WLS: variants seen among roughly 807,000 people sequenced by gnomAD.
WLS encodes the protein Wnt ligand secretion mediator.
WLS carries 23 observed loss-of-function variants against 62.8 expected under a neutral mutation model. The observed-to-expected ratio is 0.37, with a 90% CI of 0.26 to 0.52. WLS has a LOEUF of 0.52. WLS is among the 20% of genes least tolerant of loss of function. The pLI, the probability that WLS is intolerant of heterozygous loss-of-function variation, is 0.92. For missense variants in WLS, 615 were observed against 697.3 expected (o/e 0.88, Z 1.33); for synonymous variants, 246 against 244.1 (o/e 1.01, Z -0.07).
chr1:68,155,127 A>G lies in WLS; in HGVS notation c.638T>C (p.Ile213Thr), dbSNP rs565833395. Residue 213 changes from isoleucine to threonine, a missense_variant, in exon 4 of 12, where the codon ATT (isoleucine) becomes ACT (threonine). Coordinates refer to ENST00000262348, the MANE Select transcript of WLS (RefSeq NM_024911.7). Reference protein sequence around the residue: ...VNEKKKINVGIGEIKDIRLVG... With the variant: ...VNEKKKINVGTGEIKDIRLVG... ...CAACCGGATATCCTTTATCTCCCCA[A>G]TTCCCACATTGATTTTCTTCTTCTC... is the stretch of plus-strand genomic sequence containing the variant. 1.1e-5 allele frequency: 17 copies of G among 1,613,954 alleles called. No homozygotes were observed. Among genetic ancestry groups the G allele is most frequent in the African/African-American group, 5.3e-5 (4 of 75,006 alleles).
intron 4 of WLS, among the ~76,000 whole-genome samples, chr1:68,153,910 C>T (rs899281228): frequency 6.6e-6 from 1 of 152,156 alleles, no homozygotes; most frequent in African/African-American, 2.4e-5. Context: ...TTCACAATAA[C>T]GGCTTTCATG....
At chr1:68,114,001 C>T (rs983114033) in intron 11 of WLS, among the ~76,000 whole-genome samples, 1 of 152,218 alleles carries the variant, frequency 6.6e-6, no homozygotes, top group East Asian at 1.9e-4. Context: ...AACAACAAAT[C>T]ACCGACTGTA....
At chr1:68,107,390 TAGG>T (rs1003268042) in intron 11 of WLS, among the ~76,000 whole-genome samples, 5 of 152,084 alleles carry the variant, frequency 3.3e-5, no homozygotes, top group African/African-American at 7.2e-5. Flanking sequence ...AGCTGGAAGG[TAGG>T]AGGATAGATA....
downstream of WLS, among the ~76,000 whole-genome samples, chr1:68,124,469 C>A (rs540224322): frequency 9.5e-4 from 144 of 152,300 alleles, no homozygotes; most frequent in Middle Eastern, 3.4e-3. Context: ...ATCCCTTTGC[C>A]CGTTGGCTCT....
At chr1:68,143,783 T>C (rs1021226500) in intron 10 of WLS, among the ~76,000 whole-genome samples, 3 of 152,216 alleles carry the variant, frequency 2.0e-5, no homozygotes, top group Admixed American at 6.5e-5. Context: ...TTACTTCCTG[T>C]AGTCATTACA....
chr1:68,184,694 T>C (rs985214641), intron 2 of WLS, among the ~76,000 whole-genome samples: 1 of 152,160 alleles, frequency 6.6e-6, no homozygotes. Flanking sequence ...TCCTGACAAA[T>C]TCATTAATTC....
At chr1:68,180,086 C>T (rs1017552253) in intron 2 of WLS, among the ~76,000 whole-genome samples, 1 of 151,918 alleles carries the variant, frequency 6.6e-6, no homozygotes, top group Non-Finnish European at 1.5e-5. Flanking sequence ...CAAGCAACAG[C>T]ATCTCTAGTG....
chr1:68,215,324 A>T (rs1557525377), intron 1 of WLS, among the ~76,000 whole-genome samples: 1 of 152,230 alleles, frequency 6.6e-6, no homozygotes, highest in Non-Finnish European at 1.5e-5. Context: ...CAAGTCATAT[A>T]AAAATATATG....
At chr1:68,230,570 C>CGTGTGTGTGT (rs112351005) in intron 1 of WLS, among the ~76,000 whole-genome samples, 23 of 118,728 alleles carry the variant, frequency 1.9e-4, no homozygotes, top group African/African-American at 6.8e-4. Context: ...AAAGCCAACC[C>CGTGTGTGTGT]GTGTGTGTGT....
intron 1 of WLS, among the ~76,000 whole-genome samples, chr1:68,227,039 G>A (rs1650177607): frequency 6.6e-6 from 1 of 152,196 alleles, no homozygotes; most frequent in Non-Finnish European, 1.5e-5. Context: ...GTTTCTCACT[G>A]TAACAGGAAA....
chr1:68,217,048 A>C (rs1217314747), intron 1 of WLS, among the ~76,000 whole-genome samples: 1 of 152,150 alleles, frequency 6.6e-6, no homozygotes, highest in African/African-American at 2.4e-5. Context: ...AAGTACACTG[A>C]AGTTCTTAAA....
At chr1:68,207,472 G>A (rs1055011647) in intron 1 of WLS, among the ~76,000 whole-genome samples, 1 of 152,088 alleles carries the variant, frequency 6.6e-6, no homozygotes, top group Non-Finnish European at 1.5e-5. Context: ...CTTTCTTTCA[G>A]ATTTTCATTT....
intron 2 of WLS, among the ~76,000 whole-genome samples, chr1:68,191,592 G>A (rs12082231): frequency 0.048 from 7,242 of 152,112 alleles, 416 homozygotes; most frequent in African/African-American, 0.15. Context: ...ATCATGTCTC[G>A]TGTGATCTTA....
chr1:68,221,259 TAA>T (rs953300807), intron 1 of WLS, among the ~76,000 whole-genome samples: 9 of 152,112 alleles, frequency 5.9e-5, no homozygotes, highest in African/African-American at 2.2e-4. Flanking sequence ...GAGGCATGAA[TAA>T]AAAGATAGCT....
At chr1:68,232,136 G>C (rs1305037275) in intron 1 of WLS, 58 bp downstream of exon 1, 2 of 1,609,420 alleles carry the variant, frequency 1.2e-6, no homozygotes, top group Non-Finnish European at 1.7e-6. Context: ...AAGAGGCAAA[G>C]AGGGAAGGGG....
At chr1:68,138,095 G>A in intron 10 of WLS, 162 bp from the exon 11 acceptor site, 1 of 823,056 alleles carries the variant, frequency 1.2e-6, no homozygotes, top group East Asian at 2.7e-5. Context: ...TCATTTCGGT[G>A]TAAATTAAGG....
At chr1:68,132,661 G>A (rs1646544411) in intron 11 of WLS, among the ~76,000 whole-genome samples, 1 of 152,154 alleles carries the variant, frequency 6.6e-6, no homozygotes, top group African/African-American at 2.4e-5. Flanking sequence ...ACAGAAATAG[G>A]AGGGAATGGT....
intron 2 of WLS, among the ~76,000 whole-genome samples, chr1:68,192,787 A>AC: frequency 7.0e-6 from 1 of 142,844 alleles, no homozygotes; most frequent in Middle Eastern, 3.5e-3. Flanking sequence ...AAAAAAAAAA[A>AC]CAGAAGAAGA....
chr1:68,212,891 A>G (rs184998386), intron 1 of WLS, among the ~76,000 whole-genome samples: 3 of 152,344 alleles, frequency 2.0e-5, no homozygotes, highest in Admixed American at 1.3e-4. Flanking sequence ...CTTTATTTCA[A>G]TAACACCACA....
Sources: gnomAD v4.1 joint callset for allele counts (sites outside exome capture counted in the v4.1 genomes callset) on GRCh38, gnomAD v4.1.1 for gene constraint, MANE v1.5 for transcripts, NCBI Gene and HGNC (gene_info 2026-07-23, HGNC 2026-07-21) for gene names.